The following USP46 variants were observed in gnomAD, a reference collection of about 807,000 sequenced individuals.
USP46 encodes the protein ubiquitin carboxyl-terminal hydrolase 46.
Under a neutral mutation model 44.4 loss-of-function variants are expected in USP46, and 12 were observed. The observed-to-expected ratio is 0.27, with a 90% CI of 0.17 to 0.44. The LOEUF is 0.44. Ranked by LOEUF, USP46 falls within the 20% of genes least tolerant of loss-of-function variation. The pLI, the probability that USP46 is intolerant of heterozygous loss-of-function variation, is 1.00. For missense variants in USP46, 248 were observed against 444.8 expected (o/e 0.56, Z 3.98); for synonymous variants, 155 against 161.5 (o/e 0.96, Z 0.31).
chr4:52,605,530 T>C (rs889244328), intron 5 of USP46, among the ~76,000 whole-genome samples: 1 of 152,192 alleles, frequency 6.6e-6, no homozygotes, highest in African/African-American at 2.4e-5. Flanking sequence ...TTAAAATGTG[T>C]TAAATGATTC....
intron 1 of USP46, chr4:52,658,088 T>C (rs1719021012): frequency 2.5e-6 from 1 of 404,576 alleles, no homozygotes; most frequent in Admixed American, 2.7e-5. Flanking sequence ...AGAGCACGTG[T>C]TGCCTCCGGG....
intron 1 of USP46, 107 bp from the exon 2 acceptor site, chr4:52,631,251 C>CCGTGTTGACCA: frequency 1.2e-6 from 1 of 814,508 alleles, no homozygotes; most frequent in Non-Finnish European, 1.9e-6. Flanking sequence ...CTGGTCAACA[C>CCGTGTTGACCA]GGTATTTGTT....
At chr4:52,657,333 A>G (rs1326577870) in intron 1 of USP46, among the ~76,000 whole-genome samples, 1 of 149,406 alleles carries the variant, frequency 6.7e-6, no homozygotes, top group Non-Finnish European at 1.5e-5. Flanking sequence ...CATTCAGCCC[A>G]GGTGTGCCAG....
At chr4:52,597,971 C>A (rs1247094265) in intron 8 of USP46, among the ~76,000 whole-genome samples, 1 of 152,146 alleles carries the variant, frequency 6.6e-6, no homozygotes, top group Non-Finnish European at 1.5e-5. Flanking sequence ...CATTAGCAAC[C>A]CTGTGTGGGC....
intron 1 of USP46, among the ~76,000 whole-genome samples, chr4:52,654,647 C>T (rs908429327): frequency 6.6e-6 from 1 of 152,096 alleles, no homozygotes; most frequent in African/African-American, 2.4e-5. Context: ...CCTCTTGCCT[C>T]GGCCTCCCAA....
At chr4:52,632,980 G>GAAAGA (rs1553891289) in intron 1 of USP46, among the ~76,000 whole-genome samples, 1,114 of 71,242 alleles carry the variant, frequency 0.016, 30 homozygotes, top group Non-Finnish European at 0.019. Flanking sequence ...AAGAAAGAAA[G>GAAAGA]AAAGAAAAGA....
chr4:52,644,418 C>A (rs1466847570), intron 1 of USP46, among the ~76,000 whole-genome samples: 1 of 152,166 alleles, frequency 6.6e-6, no homozygotes, highest in Non-Finnish European at 1.5e-5. Context: ...AAGTCCCCAA[C>A]CCCCAGGTAC....
intron 1 of USP46, chr4:52,656,429 G>A (rs2109378252): frequency 6.8e-7 from 1 of 1,471,642 alleles, no homozygotes; most frequent in South Asian, 1.3e-5. Flanking sequence ...GAGGGACAGT[G>A]GGGGCGGTGG....
chr4:52,622,168 C>A (rs1364720351), intron 4 of USP46, among the ~76,000 whole-genome samples: 1 of 152,136 alleles, frequency 6.6e-6, no homozygotes, highest in African/African-American at 2.4e-5. Flanking sequence ...AAGGATGAGA[C>A]TGAGAGGAAA....
chr4:52,658,985 C>A, intron 1 of USP46, 130 bp downstream of exon 1: 1 of 1,169,932 alleles, frequency 8.5e-7, no homozygotes, highest in Non-Finnish European at 1.1e-6. Context: ...GCTCGGGGGC[C>A]GGGAACTTCT....
intron 3 of USP46, 79 bp from the exon 4 acceptor site, chr4:52,626,326 T>A: frequency 7.9e-7 from 1 of 1,269,106 alleles, no homozygotes; most frequent in Non-Finnish European, 1.1e-6. Context: ...ATGCCATACT[T>A]AAATATTTTT....
At chr4:52,632,988 A>AAAGAAAGAAAGAAAGAAAG (rs1560406196) in intron 1 of USP46, among the ~76,000 whole-genome samples, 4 of 31,390 alleles carry the variant, frequency 1.3e-4, no homozygotes, top group South Asian at 2.6e-3. Flanking sequence ...AAGAAAGAAA[A>AAAGAAAGAAAGAAAGAAAG]GAAAAGAAAG....
At chr4:52,658,224 T>C (rs766193348) in intron 1 of USP46, 4 of 456,022 alleles carry the variant, frequency 8.8e-6, no homozygotes, top group Non-Finnish European at 1.8e-5. Flanking sequence ...CCAAAGGCTC[T>C]GACAAGTGGA....
chr4:52,601,434 C>A (rs1716467512), intron 7 of USP46, among the ~76,000 whole-genome samples: 1 of 152,114 alleles, frequency 6.6e-6, no homozygotes, highest in Admixed American at 6.5e-5. Flanking sequence ...TATTTTTAAT[C>A]ACTCAAAGTG....
At chr4:52,628,828 G>A (rs983340743) in intron 2 of USP46, among the ~76,000 whole-genome samples, 4 of 152,122 alleles carry the variant, frequency 2.6e-5, no homozygotes, top group Admixed American at 1.3e-4. Context: ...CTGCCAAGGC[G>A]GCAATTGTGC....
chr4:52,632,990 A>AAAAGAAAGAAAGAAAGAAAG (rs71195120), intron 1 of USP46, among the ~76,000 whole-genome samples: 149 of 66,308 alleles, frequency 2.2e-3, no homozygotes, highest in Middle Eastern at 8.3e-3. Context: ...GAAAGAAAAG[A>AAAAGAAAGAAAGAAAGAAAG]AAAGAAAGAA....
intron 4 of USP46, among the ~76,000 whole-genome samples, chr4:52,623,633 C>A (rs1717465694): frequency 6.6e-6 from 1 of 151,836 alleles, no homozygotes; most frequent in South Asian, 2.1e-4. Flanking sequence ...TAAATAAAAA[C>A]AAAAAGTAGG....
intron 1 of USP46, among the ~76,000 whole-genome samples, chr4:52,637,926 C>T (rs777104243): frequency 5.3e-5 from 8 of 152,108 alleles, no homozygotes; most frequent in East Asian, 1.9e-4. Context: ...CTTCTTCAGA[C>T]GCCTGTGTCC....
chr4:52,624,719 A>C (rs1365005398), intron 4 of USP46, among the ~76,000 whole-genome samples: 1 of 152,146 alleles, frequency 6.6e-6, no homozygotes, highest in African/African-American at 2.4e-5. Flanking sequence ...TGGTATTTGG[A>C]GATGGGCCTC....
Sources: gnomAD v4.1 joint callset for allele counts (sites outside exome capture counted in the v4.1 genomes callset) on GRCh38, gnomAD v4.1.1 for gene constraint, MANE v1.5 for transcripts, NCBI Gene and HGNC (gene_info 2026-07-23, HGNC 2026-07-21) for gene names.